Variants in ESRRB observed in about 807,000 individuals in gnomAD.
The protein encoded by ESRRB is estrogen related receptor beta.
A neutral mutation model predicts 46.0 loss-of-function variants in ESRRB; 16 were observed. That is an observed-to-expected ratio of 0.35 (90% CI 0.24 to 0.53). The LOEUF is 0.53. Ranked by LOEUF, ESRRB falls within the 20% of genes least tolerant of loss-of-function variation. The probability of loss-of-function intolerance (pLI) is 0.93; values close to 1 mark genes in which losing one functional copy is unlikely to be tolerated. For synonymous variants in ESRRB, 246 were observed against 259.6 expected (o/e 0.95, Z 0.50); for missense variants, 488 against 607.4 (o/e 0.80, Z 2.07).
chr14:76,432,164 T>A (rs1259044875), intron 1 of ESRRB, among the ~76,000 whole-genome samples: 1 of 152,204 alleles, frequency 6.6e-6, no homozygotes, highest in Non-Finnish European at 1.5e-5. Flanking sequence ...GGGAGACATT[T>A]GGCAATGTCT....
At chr14:76,387,867 G>A (rs993724501) in intron 1 of ESRRB, among the ~76,000 whole-genome samples, 1 of 152,208 alleles carries the variant, frequency 6.6e-6, no homozygotes, top group Non-Finnish European at 1.5e-5. Flanking sequence ...AGAGATGGGC[G>A]ATTGTAATAG....
chr14:76,336,029 G>T (rs539811125), intron 1 of ESRRB, among the ~76,000 whole-genome samples: 5 of 152,212 alleles, frequency 3.3e-5, no homozygotes, highest in Non-Finnish European at 7.3e-5. Context: ...GCAGAGCTGG[G>T]ATATAAACCC....
Position 76,376,362 on chromosome 14 carries a change from C to T in ESRRB, c.-40C>T. 8.2e-7 allele frequency: 1 copy of T among 1,225,580 alleles called. No individual in the cohort carries two copies. The highest frequency in any genetic ancestry group is 1.0e-6 in the Non-Finnish European group (1 of 982,390). 75.9% of individuals were successfully genotyped at this position (1,225,580 alleles called of 1,614,324 possible). On this transcript the variant is annotated 5_prime_UTR_variant, in exon 1 of 7. Transcript: ENST00000644823. This position sits in a 1 kb window ranked among gnomAD's most constrained non-coding sequence, Gnocchi z 4.1. ...CTCGCTCTTCCGCGTGATTTCCCCG[C>T]CGTCTTTCTCTACCAACTGGGAATG...
At chr14:76,387,567 C>T (rs1016551973) in intron 1 of ESRRB, among the ~76,000 whole-genome samples, 9 of 152,186 alleles carry the variant, frequency 5.9e-5, no homozygotes, top group Non-Finnish European at 1.3e-4. Flanking sequence ...GTATTCCTCC[C>T]AAGCCCCACC....
chr14:76,373,632 G>C (rs551248092), upstream of ESRRB, among the ~76,000 whole-genome samples: 2 of 152,298 alleles, frequency 1.3e-5, no homozygotes, highest in African/African-American at 4.8e-5. Flanking sequence ...AGGGTGTCCC[G>C]GCGGCTGGCC....
At chr14:76,471,242 A>G (rs577809934) in intron 3 of ESRRB, among the ~76,000 whole-genome samples, 8 of 152,286 alleles carry the variant, frequency 5.3e-5, no homozygotes, top group Admixed American at 2.0e-4. Flanking sequence ...ACCCTGGTCC[A>G]AGGAAGCATT....
chr14:76,489,176 A>G (rs1890123674), intron 5 of ESRRB, among the ~76,000 whole-genome samples: 1 of 151,704 alleles, frequency 6.6e-6, no homozygotes. Context: ...GTTGTCTGCT[A>G]ATTTCACCCC....
intron 1 of ESRRB, among the ~76,000 whole-genome samples, chr14:76,384,186 T>C (rs1324962597): frequency 1.3e-5 from 2 of 152,178 alleles, no homozygotes; most frequent in African/African-American, 2.4e-5. Context: ...CTTTGTCATT[T>C]GTCTCTTGGG....
intron 1 of ESRRB, among the ~76,000 whole-genome samples, chr14:76,391,199 C>A (rs1885455839): frequency 6.6e-6 from 1 of 152,326 alleles, no homozygotes; most frequent in East Asian, 1.9e-4. Context: ...GCCTCCAGGA[C>A]AGCAGAGGCC....
chr14:76,448,065 A>G (rs1404753875), intron 2 of ESRRB, among the ~76,000 whole-genome samples: 1 of 151,888 alleles, frequency 6.6e-6, no homozygotes, highest in African/African-American at 2.4e-5. Flanking sequence ...CCATGCTTTC[A>G]ATTTCTAGAC....
intron 1 of ESRRB, among the ~76,000 whole-genome samples, chr14:76,420,716 A>G (rs778601626): frequency 6.6e-6 from 1 of 152,104 alleles, no homozygotes; most frequent in Non-Finnish European, 1.5e-5. Context: ...TTCAACCAAA[A>G]CACACAGAGG....
At chr14:76,378,790 T>C (rs1884888465) in intron 1 of ESRRB, among the ~76,000 whole-genome samples, 1 of 152,184 alleles carries the variant, frequency 6.6e-6, no homozygotes, top group African/African-American at 2.4e-5. Flanking sequence ...CCCATGGCTT[T>C]GTGACACAGC....
chr14:76,471,516 C>T (rs1889372964), intron 3 of ESRRB, among the ~76,000 whole-genome samples: 1 of 152,174 alleles, frequency 6.6e-6, no homozygotes, highest in South Asian at 2.1e-4. Context: ...CACTCCTACC[C>T]ACTCTGCTCC....
intron 1 of ESRRB, among the ~76,000 whole-genome samples, chr14:76,311,737 A>G (rs1370474043): frequency 6.6e-6 from 1 of 152,188 alleles, no homozygotes; most frequent in African/African-American, 2.4e-5. Context: ...GAGGCTTGTC[A>G]AAGCTGTGCT....
chr14:76,451,429 T>C (rs1377147464), intron 2 of ESRRB, among the ~76,000 whole-genome samples: 1 of 152,178 alleles, frequency 6.6e-6, no homozygotes, highest in Non-Finnish European at 1.5e-5. Flanking sequence ...TGTAACTAAG[T>C]GCCTGGCACA....
chr14:76,419,207 G>A (rs1243226850), intron 1 of ESRRB, among the ~76,000 whole-genome samples: 29 of 151,866 alleles, frequency 1.9e-4, no homozygotes, highest in Non-Finnish European at 2.6e-4. Flanking sequence ...TAGAGATGGG[G>A]TTTCGCCATG....
intron 3 of ESRRB, among the ~76,000 whole-genome samples, chr14:76,468,936 C>T (rs1349954377): frequency 6.6e-6 from 1 of 151,994 alleles, no homozygotes; most frequent in South Asian, 2.1e-4. Context: ...CACATCTTAC[C>T]CTCCTACCAT....
intron 1 of ESRRB, among the ~76,000 whole-genome samples, chr14:76,350,395 A>G (rs918727791): frequency 1.3e-5 from 2 of 152,202 alleles, no homozygotes; most frequent in Non-Finnish European, 2.9e-5. Context: ...GAGACAGGAC[A>G]TATGCCTGCG....
At chr14:76,462,702 G>A (rs1245263227) in intron 3 of ESRRB, 41 bp downstream of exon 3, 1 of 1,471,590 alleles carries the variant, frequency 6.8e-7, no homozygotes, top group Non-Finnish European at 9.5e-7. Flanking sequence ...GTGAGGCTCT[G>A]CTTGCTGGGG....
Sources: gnomAD v4.1 joint callset for allele counts (sites outside exome capture counted in the v4.1 genomes callset) on GRCh38, gnomAD v4.1.1 for gene constraint, Gnocchi (gnomAD v3.1) non-coding constraint, MANE v1.5 for transcripts, NCBI Gene and HGNC (gene_info 2026-07-23, HGNC 2026-07-21) for gene names.